KCNH1: variants seen among roughly 807,000 people sequenced by gnomAD.
KCNH1 encodes voltage-gated delayed rectifier potassium channel KCNH1.
A neutral mutation model predicts 69.2 loss-of-function variants in KCNH1; 27 were observed. The ratio of observed to expected loss-of-function variants is 0.39; its 90% CI spans 0.29 to 0.54. The LOEUF is 0.54. Ranked by LOEUF, KCNH1 falls within the 20% of genes least tolerant of loss-of-function variation. The pLI, the probability that KCNH1 is intolerant of heterozygous loss-of-function variation, is 0.68. For synonymous variants in KCNH1, 456 were observed against 487.7 expected, an observed-to-expected ratio of 0.93 and a Z score of 0.86; for missense variants, 798 against 1,261.6, an observed-to-expected ratio of 0.63 and a Z score of 5.57.
rs552475437 is a variant in KCNH1 at position 210,785,505 on chromosome 1, C to G, written c.1916-9961G>C. On this transcript the variant is annotated intron_variant, in intron 9 of 10. Coordinates refer to ENST00000271751, the MANE Select transcript of KCNH1 (RefSeq NM_172362.3). The stretch of plus-strand genomic sequence containing the variant: ...CGCCTCCTGGGTTCAAGCGGTTCTC[C>G]TACCCAGTAGCTGGGATTACAGGCA... Among the ~76,000 whole-genome samples, 3 of 152,060 alleles carry G rather than the reference C, an allele frequency of 2.0e-5. No individual in the cohort carries two copies. The South Asian group carries it at 6.2e-4, about 32-fold the overall frequency.
intron 7 of KCNH1, among the ~76,000 whole-genome samples, chr1:210,855,967 C>T (rs1428369858): frequency 6.6e-6 from 1 of 152,176 alleles, no homozygotes; most frequent in East Asian, 1.9e-4. Flanking sequence ...AGCAGGTGGT[C>T]TCCTGCCCCA....
At position 210,733,901 on chromosome 1, in the gene KCNH1, C is replaced by T. The variant is rs554177339; in HGVS notation, c.2112+41447G>A. ...ACAAGTTCTCTTTCACCTTTAATCTCCAATAAGTTAATGCCTGGAGCATCT... is the reference window on the plus strand; with the variant it reads ...ACAAGTTCTCTTTCACCTTTAATCTTCAATAAGTTAATGCCTGGAGCATCT... On this transcript the variant is annotated intron_variant, in intron 10 of 10. Coordinates refer to ENST00000271751, the MANE Select transcript of KCNH1 (RefSeq NM_172362.3). 6.6e-5 allele frequency among the ~76,000 whole-genome samples: 10 copies of T among 152,048 alleles called. No homozygotes were observed. The East Asian group carries it at 1.4e-3, about 21-fold the overall frequency.
intron 6 of KCNH1, among the ~76,000 whole-genome samples, chr1:210,952,124 C>A (rs1034624075): frequency 6.6e-6 from 1 of 152,112 alleles, no homozygotes; most frequent in African/African-American, 2.4e-5. Context: ...CTCTTTACCT[C>A]CTCTCTCCCT....
chr1:211,034,199 G>C (rs1689852856), intron 5 of KCNH1, among the ~76,000 whole-genome samples: 1 of 152,060 alleles, frequency 6.6e-6, no homozygotes, highest in Non-Finnish European at 1.5e-5. Flanking sequence ...TCCTTCAACA[G>C]ATAAATGGTT....
chr1:210,782,526 G>C (rs1684007495), intron 9 of KCNH1, among the ~76,000 whole-genome samples: 1 of 152,114 alleles, frequency 6.6e-6, no homozygotes, highest in Admixed American at 6.5e-5. Context: ...AGGAGTTTGA[G>C]ACCAGCCTGG....
chr1:210,691,069 G>T (rs1005054432), intron 10 of KCNH1, among the ~76,000 whole-genome samples: 1 of 152,246 alleles, frequency 6.6e-6, no homozygotes, highest in Admixed American at 6.5e-5. Context: ...CTGTTATGAG[G>T]ATTAAGTTGG....
intron 10 of KCNH1, among the ~76,000 whole-genome samples, chr1:210,720,836 ATGT>A (rs1682436147): frequency 6.6e-6 from 1 of 152,108 alleles, no homozygotes; most frequent in Non-Finnish European, 1.5e-5. Flanking sequence ...CTGCTCCTTT[ATGT>A]TGTCCAGGAA....
intron 7 of KCNH1, among the ~76,000 whole-genome samples, chr1:210,914,095 C>T (rs542984501): frequency 6.6e-6 from 1 of 152,274 alleles, no homozygotes; most frequent in Non-Finnish European, 1.5e-5. Flanking sequence ...CCAGGCCAAC[C>T]CCAAACTTTT....
intron 7 of KCNH1, chr1:210,859,212 A>T (rs779749595): frequency 7.4e-6 from 12 of 1,611,774 alleles, no homozygotes; most frequent in Non-Finnish European, 1.0e-5. Flanking sequence ...AAATTGAAAG[A>T]ACTTGGCACA....
intron 8 of KCNH1, among the ~76,000 whole-genome samples, chr1:210,799,693 T>C (rs188464968): frequency 3.9e-5 from 6 of 152,306 alleles, no homozygotes; most frequent in East Asian, 1.9e-4. Flanking sequence ...AAATCAAACA[T>C]GTTCAGTGAT....
At chr1:211,018,547 T>G (rs562923222) in intron 6 of KCNH1, among the ~76,000 whole-genome samples, 1 of 152,280 alleles carries the variant, frequency 6.6e-6, no homozygotes, top group East Asian at 1.9e-4. Flanking sequence ...TGGCTTACAT[T>G]CCACGTGGAG....
At chr1:210,730,100 A>C (rs545740739) in intron 10 of KCNH1, among the ~76,000 whole-genome samples, 1 of 152,274 alleles carries the variant, frequency 6.6e-6, no homozygotes, top group South Asian at 2.1e-4. Flanking sequence ...TTCCAGAGCA[A>C]CTGTGATGAC....
intron 7 of KCNH1, among the ~76,000 whole-genome samples, chr1:210,829,039 T>C (rs1057287791): frequency 1.6e-4 from 24 of 152,164 alleles, no homozygotes; most frequent in African/African-American, 5.8e-4. Flanking sequence ...TTTTCAAGTA[T>C]GTTGTGTAGA....
intron 6 of KCNH1, among the ~76,000 whole-genome samples, chr1:210,975,462 G>C (rs1045915549): frequency 6.6e-6 from 1 of 152,120 alleles, no homozygotes; most frequent in African/African-American, 2.4e-5. Context: ...ACAACCATCT[G>C]ATCTTTGACA....
chr1:210,917,888 C>T (rs1361383281), intron 7 of KCNH1, among the ~76,000 whole-genome samples: 1 of 152,132 alleles, frequency 6.6e-6, no homozygotes, highest in Admixed American at 6.5e-5. Flanking sequence ...GAGAAAGCAC[C>T]TCAAATTCTA....
rs139659266 is a variant in KCNH1 at position 210,683,796 on chromosome 1, A to T, written c.2455T>A (p.Ser819Thr). 3,094 of 1,613,708 alleles carry T rather than the reference A, an allele frequency of 1.9e-3. 6 individuals carry two copies. The highest frequency in any genetic ancestry group is 6.4e-3 in the Middle Eastern group (39 of 6,062). The change falls in exon 11 of 11, where the codon TCC becomes ACC. Residue 819 changes from serine (S) to threonine (T), a missense_variant. By Grantham distance (58) the Ser-to-Thr change is moderately conservative (BLOSUM62 1). Transcript: ENST00000271751. This position sits in a 1 kb window ranked among gnomAD's most constrained non-coding sequence, Gnocchi z 5.7. ...PDHAKLQAPGSECLGPKGGGG... is the reference protein window; with the variant it reads ...PDHAKLQAPGTECLGPKGGGG... ...CCCCCCTTGGGGCCCAGGCACTCGG[A>T]CCCTGGCGCCTGTAGCTTTGCGTGG...
At chr1:210,939,095 T>C (rs569306977) in intron 6 of KCNH1, among the ~76,000 whole-genome samples, 1 of 152,268 alleles carries the variant, frequency 6.6e-6, no homozygotes, top group African/African-American at 2.4e-5. Flanking sequence ...CATGCCCTCC[T>C]CTAGGCTCCC....
rs1690525187 is a variant in KCNH1 at position 211,066,137 on chromosome 1, T to C, written c.558+16643A>G. ...CACATAAACTTTAAAAAATGGTTAC[T>C]TGCAAGAAACGATGGGTATTTCATG... On this transcript the variant is annotated intron_variant, in intron 5 of 10. Transcript: ENST00000271751. Among the ~76,000 whole-genome samples, 3 of 152,288 alleles carry C rather than the reference T, an allele frequency of 2.0e-5. No homozygotes were observed. The East Asian group carries it at 5.8e-4, about 29-fold the overall frequency.
chr1:211,027,641 T>A (rs564731407), intron 5 of KCNH1, among the ~76,000 whole-genome samples: 10 of 149,420 alleles, frequency 6.7e-5, no homozygotes, highest in Non-Finnish European at 1.5e-4. Flanking sequence ...AAGAAAAAAA[T>A]TAGTGAACTT....
Sources: gnomAD v4.1 joint callset for allele counts (sites outside exome capture counted in the v4.1 genomes callset) on GRCh38, gnomAD v4.1.1 for gene constraint, Gnocchi (gnomAD v3.1) non-coding constraint, MANE v1.5 for transcripts, NCBI Gene and HGNC (gene_info 2026-07-23, HGNC 2026-07-21) for gene names.